Variants in CUX1 observed in about 807,000 individuals in gnomAD.
CUX1 encodes the protein protein CASP.
Under a neutral mutation model 158.8 loss-of-function variants are expected in CUX1, and 31 were observed. The ratio of observed to expected loss-of-function variants is 0.20; its 90% CI spans 0.15 to 0.26. The LOEUF (loss-of-function observed/expected upper bound fraction) is 0.26, where lower values mean the gene tolerates loss of function less well. CUX1 is among the 10% of genes least tolerant of loss of function. The pLI is 1.00. For synonymous variants in CUX1, 879 were observed against 862.1 expected, an observed-to-expected ratio of 1.02 and a Z score of -0.34; for missense variants, 1,589 against 2,014.6, an observed-to-expected ratio of 0.79 and a Z score of 4.04.
intron 2 of CUX1, among the ~76,000 whole-genome samples, chr7:102,013,019 G>A (rs143968702): frequency 3.9e-5 from 6 of 152,080 alleles, no homozygotes; most frequent in African/African-American, 1.4e-4. Context: ...TAATCCTTAC[G>A]GCCCTGTGGT....
chr7:102,070,449 G>C, intron 4 of CUX1, 32 bp downstream of exon 4: 1 of 1,536,514 alleles, frequency 6.5e-7, no homozygotes. Flanking sequence ...CCACCAGTGG[G>C]GGGCGTTGTG....
chr7:101,935,869 C>T (rs1376659294), intron 2 of CUX1, among the ~76,000 whole-genome samples: 1 of 152,124 alleles, frequency 6.6e-6, no homozygotes, highest in South Asian at 2.1e-4. Flanking sequence ...CATTTCCAGC[C>T]GAAGTTACAC....
intron 2 of CUX1, among the ~76,000 whole-genome samples, chr7:101,983,718 T>C (rs536733838): frequency 6.6e-6 from 1 of 151,994 alleles, no homozygotes; most frequent in South Asian, 2.1e-4. Context: ...CCCAGACTCT[T>C]TTAAACAACC....
intron 20 of CUX1, among the ~76,000 whole-genome samples, chr7:102,222,809 A>ATTTTTT (rs1554527459): frequency 4.3e-5 from 1 of 23,280 alleles, no homozygotes. Flanking sequence ...GGGGCACCGT[A>ATTTTTT]TCTTTTTTTT....
At chr7:102,096,203 A>C (rs1829162046) in intron 4 of CUX1, among the ~76,000 whole-genome samples, 2 of 152,216 alleles carry the variant, frequency 1.3e-5, no homozygotes, top group Admixed American at 1.3e-4. Context: ...CAGCTGGTCT[A>C]CGACAGGGCC....
chr7:101,901,180 C>T (rs895853090), intron 1 of CUX1, among the ~76,000 whole-genome samples: 1 of 152,060 alleles, frequency 6.6e-6, no homozygotes, highest in Admixed American at 6.6e-5. Context: ...TCCTAGGGCC[C>T]AGTAATGCCC....
intron 20 of CUX1, among the ~76,000 whole-genome samples, chr7:102,222,150 A>T (rs887360258): frequency 2.6e-5 from 4 of 152,050 alleles, no homozygotes; most frequent in Non-Finnish European, 5.9e-5. Context: ...GGTCCCAGCT[A>T]CTTTGGGTCA....
chr7:101,957,307 A>G (rs978344906), intron 2 of CUX1, among the ~76,000 whole-genome samples: 3 of 152,202 alleles, frequency 2.0e-5, no homozygotes, highest in Non-Finnish European at 4.4e-5. Context: ...ACATGAGGAC[A>G]CTGGATTCTT....
intron 3 of CUX1, among the ~76,000 whole-genome samples, chr7:102,040,747 C>T (rs903101653): frequency 6.6e-6 from 1 of 152,228 alleles, no homozygotes; most frequent in Non-Finnish European, 1.5e-5. Flanking sequence ...ATGTGGTTCG[C>T]TCCAAAGAGC....
At chr7:102,182,076 C>T (rs1221615013) in intron 11 of CUX1, among the ~76,000 whole-genome samples, 1 of 152,122 alleles carries the variant, frequency 6.6e-6, no homozygotes, top group Non-Finnish European at 1.5e-5. Flanking sequence ...TACGGGGGAC[C>T]CTCGGACACA....
intron 20 of CUX1, among the ~76,000 whole-genome samples, chr7:102,219,590 G>A (rs2132263677): frequency 6.6e-6 from 1 of 152,336 alleles, no homozygotes; most frequent in East Asian, 1.9e-4. Context: ...AGGCATAGCT[G>A]CTCACCTTCT....
At chr7:102,133,129 C>T (rs1420050174) in intron 8 of CUX1, among the ~76,000 whole-genome samples, 1 of 152,170 alleles carries the variant, frequency 6.6e-6, no homozygotes, top group Non-Finnish European at 1.5e-5. Flanking sequence ...CTTAAAATCT[C>T]TCCGTGGCAC....
intron 4 of CUX1, among the ~76,000 whole-genome samples, chr7:102,090,232 T>A (rs1474530578): frequency 2.6e-5 from 4 of 152,120 alleles, no homozygotes; most frequent in Non-Finnish European, 4.4e-5. Context: ...ATAGGTTGAG[T>A]GTCTTTTATC....
chr7:102,199,309 T>C (rs1795140936), intron 16 of CUX1, among the ~76,000 whole-genome samples: 1 of 152,208 alleles, frequency 6.6e-6, no homozygotes, highest in Admixed American at 6.5e-5. Flanking sequence ...CCCGGTGGCA[T>C]ACTTGTTTTT....
intron 2 of CUX1, among the ~76,000 whole-genome samples, chr7:101,987,483 A>G (rs985185486): frequency 3.0e-4 from 46 of 152,214 alleles, no homozygotes; most frequent in Non-Finnish European, 6.6e-4. Context: ...TCATGTTTCA[A>G]AGTTTTTGAA....
chr7:102,113,620 C>A (rs911067058), intron 7 of CUX1, among the ~76,000 whole-genome samples: 14 of 151,872 alleles, frequency 9.2e-5, no homozygotes, highest in Non-Finnish European at 2.1e-4. Context: ...AGCAGTGATA[C>A]AATCATAGCT....
chr7:102,187,218 AATATCAAGCC>A (rs1793723748), intron 11 of CUX1, among the ~76,000 whole-genome samples: 1 of 152,068 alleles, frequency 6.6e-6, no homozygotes, highest in African/African-American at 2.4e-5. Context: ...TAAGAGTCCC[AATATCAAGCC>A]AGGAACCTGG....
At chr7:102,219,291 T>C (rs1331996425) in intron 20 of CUX1, among the ~76,000 whole-genome samples, 1 of 151,976 alleles carries the variant, frequency 6.6e-6, no homozygotes, top group African/African-American at 2.4e-5. Context: ...GGGGGGACAT[T>C]GATCTTTCCT....
At chr7:102,106,276 G>A (rs1190765906) in intron 6 of CUX1, among the ~76,000 whole-genome samples, 1 of 151,844 alleles carries the variant, frequency 6.6e-6, no homozygotes, top group African/African-American at 2.4e-5. Flanking sequence ...TTTTAGTAGA[G>A]ACGGGGTTTC....
Sources: allele counts gnomAD v4.1 joint callset (sites outside exome capture counted in the v4.1 genomes callset), GRCh38; gene constraint gnomAD v4.1.1; transcripts MANE v1.5; gene names NCBI Gene and HGNC (gene_info 2026-07-23, HGNC 2026-07-21).